SCML1: variants seen among roughly 807,000 people sequenced by gnomAD.
SCML1 encodes the protein Scm polycomb group protein like 1, also known as sex comb on midleg-like protein 1.
For synonymous variants in SCML1, 104 were observed against 103.6 expected (o/e 1.00, Z -0.02); for missense variants, 137 against 258.1 (o/e 0.53, Z 3.22).
intron 3 of SCML1, 182 bp from the exon 4 acceptor site, chrX:17,745,836 T>G (rs1175123366): frequency 3.0e-6 from 1 of 333,222 alleles, no homozygotes; most frequent in African/African-American, 2.7e-5. Context: ...TTGTCAGTTT[T>G]TCATTCTCAT....
chrX:17,746,381 C>T (rs1187215599), intron 4 of SCML1, among the ~76,000 whole-genome samples: 1 of 112,261 alleles, frequency 8.9e-6, no homozygotes, highest in Admixed American at 9.4e-5. Context: ...GTTTCCCCTA[C>T]AAAATCCTTA....
At chrX:17,748,030 CAT>C (rs915998089) in intron 4 of SCML1, among the ~76,000 whole-genome samples, 1 of 111,522 alleles carries the variant, frequency 9.0e-6, no homozygotes, top group Admixed American at 9.5e-5. Flanking sequence ...CTTGTGAAAA[CAT>C]AGACCACTGC....
chrX:17,738,216 C>G (rs936955736), intron 1 of SCML1, among the ~76,000 whole-genome samples: 1 of 111,813 alleles, frequency 8.9e-6, no homozygotes, highest in East Asian at 2.8e-4. Context: ...AGGCGGGAGG[C>G]GGGAGATCCT....
intron 1 of SCML1, among the ~76,000 whole-genome samples, chrX:17,741,251 T>C (rs949852095): frequency 4.5e-5 from 5 of 111,479 alleles, no homozygotes; most frequent in Non-Finnish European, 9.4e-5. Context: ...CAGTTCACAA[T>C]AGGGTTTGTG....
At chrX:17,742,564 T>C (rs1393154016) in intron 1 of SCML1, among the ~76,000 whole-genome samples, 2 of 112,051 alleles carry the variant, frequency 1.8e-5, no homozygotes, top group African/African-American at 3.2e-5. Flanking sequence ...TTAGTTTATT[T>C]TGGAACATCT....
chrX:17,738,306 C>G (rs768463000), intron 1 of SCML1, among the ~76,000 whole-genome samples: 14 of 112,454 alleles, frequency 1.2e-4, no homozygotes, highest in South Asian at 3.7e-4. Flanking sequence ...TGGTCGTTAA[C>G]AGGAAAGGCC....
rs2066741582 is a variant in SCML1 at position 17,754,227 on chromosome X, T to A, written c.*835T>A. The A allele has an allele frequency of 8.9e-6, 1 of 112,327 alleles. No homozygotes were observed. Among genetic ancestry groups the A allele is most frequent in the African/African-American group, 3.2e-5 (1 of 30,995 alleles). 9.3% of individuals were successfully genotyped at this position (112,327 alleles called of 1,213,427 possible). A position where few individuals can be genotyped will look rare whatever the true frequency, so the allele number is the denominator to read the frequency against. On this transcript the variant is annotated 3_prime_UTR_variant, in exon 8 of 8. Coordinates refer to ENST00000380041, the MANE Select transcript of SCML1 (RefSeq NM_001037540.3). ...AAAAGGCATAACTGTATTTTATGTG[T>A]TTATTCTTTATATAGATAGTATTTT...
In SCML1 at chrX:17,754,489, A is replaced by G. The variant is rs928908487; in HGVS notation, c.*1097A>G. 1.8e-5 allele frequency: 2 copies of G among 112,682 alleles called. No individual in the cohort carries two copies. Among genetic ancestry groups the G allele is most frequent in the Non-Finnish European group, 3.8e-5 (2 of 53,280 alleles). The allele number at this position is 112,682 out of a possible 1,213,427, so 9.3% of individuals were successfully genotyped here. A position where few individuals can be genotyped will look rare whatever the true frequency, so the allele number is the denominator to read the frequency against. ...TTCTCCGTCCTATGCAATGTTTCTA[A>G]TTAATTTGCTTAATTCTGAGCCATT... On this transcript the variant is annotated 3_prime_UTR_variant, in exon 8 of 8. Coordinates refer to ENST00000380041, the MANE Select transcript of SCML1 (RefSeq NM_001037540.3).
chrX:17,739,862 A>AG (rs2066577381), intron 1 of SCML1, among the ~76,000 whole-genome samples: 3 of 107,242 alleles, frequency 2.8e-5, no homozygotes, highest in African/African-American at 1.0e-4. Flanking sequence ...AAAAAAAAAA[A>AG]AAAAAAAAGA....
chrX:17,749,135 A>G lies in SCML1; in HGVS notation c.199-265A>G, dbSNP rs759406509. Among the ~76,000 whole-genome samples, 3 of 111,988 alleles carry G rather than the reference A, an allele frequency of 2.7e-5. No homozygotes were observed. The East Asian group carries it at 8.4e-4, about 31-fold the overall frequency. On this transcript the variant is annotated intron_variant, in intron 4 of 7. Transcript: ENST00000380041. ...TGTGCTAGCATAGAGGCATTGTGGG[A>G]CATTCATTCACCAGCATTAGAGCTT...
intron 1 of SCML1, among the ~76,000 whole-genome samples, chrX:17,739,866 A>G (rs867522512): frequency 4.7e-5 from 5 of 107,368 alleles, no homozygotes; most frequent in Non-Finnish European, 7.6e-5. Flanking sequence ...AAAAAAAAAA[A>G]AAAAGAAATT....
intron 1 of SCML1, among the ~76,000 whole-genome samples, chrX:17,739,101 G>A (rs959828801): frequency 4.5e-5 from 5 of 111,891 alleles, no homozygotes; most frequent in Non-Finnish European, 7.5e-5. Flanking sequence ...TCATGGTTGG[G>A]CTCAGAAAAT....
At chrX:17,738,042 A>C (rs779266205) in intron 1 of SCML1, 1 of 112,453 alleles carries the variant, frequency 8.9e-6, no homozygotes, top group African/African-American at 3.2e-5. Context: ...AAGAATTGAC[A>C]AACTCCCGAG....
intron 1 of SCML1, among the ~76,000 whole-genome samples, chrX:17,742,091 T>C (rs780986687): frequency 6.3e-5 from 7 of 111,970 alleles, no homozygotes; most frequent in Non-Finnish European, 1.3e-4. Flanking sequence ...TCATCAACCA[T>C]GGAGGAACTT....
chrX:17,749,716 TATA>T (rs1166184183), intron 5 of SCML1, 175 bp from the exon 6 acceptor site: 2 of 520,204 alleles, frequency 3.8e-6, no homozygotes, highest in Non-Finnish European at 3.1e-6. Context: ...TGTTTGTAAT[TATA>T]ATGTGTAAAA....
Position 17,742,112 on chromosome X carries a change from A to G in SCML1, c.-116-1959A>G, listed in dbSNP as rs150751273. 3.3e-4 allele frequency among the ~76,000 whole-genome samples: 37 copies of G among 111,933 alleles called. No homozygotes were observed. In the East Asian group the frequency reaches 9.2e-3, roughly 28 times the overall value. ...ACCATGGAGGAACTTAGAAAATGTT[A>G]TAAAAACTGGACCCAGAGAGTTTTT... On this transcript the variant is annotated intron_variant, in intron 1 of 7. Coordinates refer to ENST00000380041, the MANE Select transcript of SCML1 (RefSeq NM_001037540.3).
At chrX:17,746,599 T>TTA (rs894733766) in intron 4 of SCML1, among the ~76,000 whole-genome samples, 5 of 112,022 alleles carry the variant, frequency 4.5e-5, no homozygotes, top group Admixed American at 9.4e-5. Flanking sequence ...TAATGAAGGT[T>TTA]TATATATATA....
chrX:17,753,329 A>G lies in SCML1; in HGVS notation c.927A>G (p.Gly309=). The change falls in exon 8 of 8, where the codon GGA becomes GGG. Residue 309 remains glycine, a synonymous_variant. Transcript: ENST00000380041. ...TGAAGCACTTGGGGGTGAAGCTGGG[A>G]ACGGCTGTGAAGCTATGCTACTACA... The part of the protein sequence containing the change: ...VLLKHLGVKL[G]TAVKLCYYID... The G allele has an allele frequency of 8.5e-7, 1 of 1,183,052 alleles. No homozygotes were observed. The highest frequency in any genetic ancestry group is 1.7e-5 in the African/African-American group (1 of 57,209).
intron 1 of SCML1, among the ~76,000 whole-genome samples, chrX:17,742,282 C>G (rs930740983): frequency 1.8e-5 from 2 of 112,023 alleles, no homozygotes; most frequent in Non-Finnish European, 3.8e-5. Flanking sequence ...AACACTGATT[C>G]ATTAATTGTG....
Sources: allele counts gnomAD v4.1 joint callset (sites outside exome capture counted in the v4.1 genomes callset), GRCh38; gene constraint gnomAD v4.1.1; transcripts MANE v1.5; gene names NCBI Gene and HGNC (gene_info 2026-07-23, HGNC 2026-07-21).